MPPED2: variants seen among roughly 807,000 people sequenced by gnomAD.
The protein encoded by MPPED2 is metallophosphoesterase domain containing 2.
MPPED2 carries 5 observed loss-of-function variants against 33.0 expected under a neutral mutation model. That is an observed-to-expected ratio of 0.15 (90% CI 0.08 to 0.32). The LOEUF (loss-of-function observed/expected upper bound fraction) is 0.32. Among genes scored for constraint, MPPED2 ranks in the 10% least tolerant of loss-of-function variants. The pLI is 1.00. For missense variants in MPPED2, 275 were observed against 372.1 expected (o/e 0.74, Z 2.15); for synonymous variants, 136 against 141.9 (o/e 0.96, Z 0.29).
intron 4 of MPPED2, among the ~76,000 whole-genome samples, chr11:30,431,861 C>G (rs1331790964): frequency 6.6e-6 from 1 of 152,192 alleles, no homozygotes; most frequent in Non-Finnish European, 1.5e-5. Flanking sequence ...AAAAGACAGA[C>G]TGCATTTTCA....
intron 2 of MPPED2, among the ~76,000 whole-genome samples, chr11:30,564,736 T>G (rs559184729): frequency 2.0e-5 from 3 of 152,204 alleles, no homozygotes; most frequent in Non-Finnish European, 4.4e-5. Flanking sequence ...CTCGACTACA[T>G]GTTCTTAATT....
chr11:30,496,718 G>T (rs375431830), intron 3 of MPPED2, among the ~76,000 whole-genome samples: 2 of 131,944 alleles, frequency 1.5e-5, no homozygotes, highest in South Asian at 2.9e-4. Flanking sequence ...GGCGGGGGGT[G>T]GGGGGAGGTG....
At chr11:30,500,107 A>G (rs868675654) in intron 3 of MPPED2, among the ~76,000 whole-genome samples, 3 of 152,274 alleles carry the variant, frequency 2.0e-5, no homozygotes, top group Middle Eastern at 3.4e-3. Flanking sequence ...AAATTACTCA[A>G]TGCAATCTGG....
In MPPED2 at chr11:30,410,898, A is replaced by G; in HGVS notation, c.*570T>C. The G allele has an allele frequency of 1.0e-6, 1 of 985,760 alleles. No individual in the cohort carries two copies. The highest frequency in any genetic ancestry group is 1.2e-6 in the Non-Finnish European group (1 of 829,912). 61.1% of individuals were successfully genotyped at this position (985,760 alleles called of 1,614,324 possible). A position where few individuals can be genotyped will look rare whatever the true frequency, so the allele number is the denominator to read the frequency against. On this transcript the variant is annotated 3_prime_UTR_variant, in exon 7 of 7. Transcript: ENST00000358117. ...CTAGTTAAACCATCCTTTAAATGAC[A>G]GCCATTTTCTTCTCAATGCAGCTTT...
At chr11:30,450,780 C>T (rs187106589) in intron 4 of MPPED2, among the ~76,000 whole-genome samples, 2 of 152,272 alleles carry the variant, frequency 1.3e-5, no homozygotes, top group Admixed American at 6.5e-5. Flanking sequence ...CATTAAATGA[C>T]ACATTTTAAC....
At position 30,436,843 on chromosome 11, in the gene MPPED2, A is replaced by C. The variant is rs971076576; in HGVS notation, c.537-19210T>G. Among the ~76,000 whole-genome samples, 10 of 152,306 alleles carry C rather than the reference A, an allele frequency of 6.6e-5. 1 individual carries two copies. The South Asian group carries it at 8.3e-4, about 13-fold the overall frequency. ...GATTTCATATTCAATAAAGCAATAT[A>C]CTTTTAGACTTTGAAAGTGAGCACC... On this transcript the variant is annotated intron_variant, in intron 4 of 6. Transcript: ENST00000358117.
intron 4 of MPPED2, among the ~76,000 whole-genome samples, chr11:30,483,502 G>C (rs1208307798): frequency 6.6e-6 from 1 of 152,192 alleles, no homozygotes; most frequent in Non-Finnish European, 1.5e-5. Flanking sequence ...AAGAAGAAAA[G>C]TGGGAGAGAG....
intron 3 of MPPED2, among the ~76,000 whole-genome samples, chr11:30,514,080 A>G (rs1953381482): frequency 6.6e-6 from 1 of 152,186 alleles, no homozygotes; most frequent in African/African-American, 2.4e-5. Context: ...CCTTTCCTCA[A>G]TAGCACAGCC....
At chr11:30,567,351 C>T (rs962909670) in intron 2 of MPPED2, among the ~76,000 whole-genome samples, 1 of 152,206 alleles carries the variant, frequency 6.6e-6, no homozygotes, top group African/African-American at 2.4e-5. Flanking sequence ...TTGAGCTTAA[C>T]TCAATTGCAC....
chr11:30,428,327 G>A (rs116964382), intron 4 of MPPED2, among the ~76,000 whole-genome samples: 1,590 of 152,246 alleles, frequency 0.01, 27 homozygotes, highest in Middle Eastern at 0.01. Flanking sequence ...ACATTTATCA[G>A]TTTACCAAGA....
chr11:30,549,012 C>CA (rs1955575722), intron 2 of MPPED2, among the ~76,000 whole-genome samples: 1 of 152,116 alleles, frequency 6.6e-6, no homozygotes, highest in Non-Finnish European at 1.5e-5. Flanking sequence ...GTTCAAATAC[C>CA]CTTCAGGAAT....
rs1271629937 is a variant in MPPED2 at position 30,580,484 on chromosome 11, G to A, written c.-111C>T. 23 of 1,463,706 alleles carry A rather than the reference G, an allele frequency of 1.6e-5. No individual in the cohort carries two copies. Among genetic ancestry groups the A allele is most frequent in the East Asian group, 4.7e-5 (2 of 42,140 alleles). 90.7% of individuals were successfully genotyped at this position (1,463,706 alleles called of 1,614,324 possible). A position where few individuals can be genotyped will look rare whatever the true frequency, so the allele number is the denominator to read the frequency against. ...ATCCAAGGATCTACTCATCAATACC[G>A]CTGTGCATTTCTGAAAGAAAAAAAA... is the stretch of plus-strand genomic sequence containing the variant. On this transcript the variant is annotated 5_prime_UTR_variant, in exon 2 of 7. Coordinates refer to ENST00000358117, the MANE Select transcript of MPPED2 (RefSeq NM_001584.3).
At position 30,568,664 on chromosome 11, in the gene MPPED2, G is replaced by A. The variant is rs563054972; in HGVS notation, c.128+11582C>T. Among the ~76,000 whole-genome samples the A allele has an allele frequency of 5.3e-5, 8 of 152,272 alleles. No individual in the cohort carries two copies. The East Asian group carries it at 5.8e-4, about 11-fold the overall frequency. The stretch of plus-strand genomic sequence containing the variant: ...AATAATCTTTAAAAAGTGGCTGAAG[G>A]GAACAGGCCCTAGCATACAAAAAAC... On this transcript the variant is annotated intron_variant, in intron 2 of 6. Coordinates refer to ENST00000358117, the MANE Select transcript of MPPED2 (RefSeq NM_001584.3).
chr11:30,533,845 T>C (rs1323717356), intron 3 of MPPED2, among the ~76,000 whole-genome samples: 1 of 152,172 alleles, frequency 6.6e-6, no homozygotes, highest in Non-Finnish European at 1.5e-5. Flanking sequence ...ATCATTGTAT[T>C]TCCTTAGTTA....
intron 1 of MPPED2, among the ~76,000 whole-genome samples, chr11:30,585,164 A>C (rs1235679707): frequency 6.6e-6 from 1 of 152,154 alleles, no homozygotes; most frequent in Non-Finnish European, 1.5e-5. Context: ...TAACCTTGTT[A>C]TACGTAAATA....
chr11:30,504,551 C>T (rs908396492), intron 3 of MPPED2, among the ~76,000 whole-genome samples: 6 of 152,176 alleles, frequency 3.9e-5, no homozygotes, highest in Non-Finnish European at 7.3e-5. Flanking sequence ...ATGCTTAGCA[C>T]TTAGTTGGTA....
intron 4 of MPPED2, among the ~76,000 whole-genome samples, chr11:30,445,315 C>G (rs948121187): frequency 6.6e-6 from 1 of 152,092 alleles, no homozygotes; most frequent in Non-Finnish European, 1.5e-5. Flanking sequence ...TGAAGACCTT[C>G]GACTAATACA....
At chr11:30,565,018 A>T (rs774839779) in intron 2 of MPPED2, among the ~76,000 whole-genome samples, 2 of 152,154 alleles carry the variant, frequency 1.3e-5, no homozygotes, top group Non-Finnish European at 2.9e-5. Context: ...TAACTGAAAC[A>T]CACCAATAAA....
At chr11:30,490,807 C>T (rs1951942864) in intron 4 of MPPED2, among the ~76,000 whole-genome samples, 1 of 152,180 alleles carries the variant, frequency 6.6e-6, no homozygotes, top group Non-Finnish European at 1.5e-5. Flanking sequence ...AAGTTATCAA[C>T]ATGTAACAAA....
Sources: gnomAD v4.1 joint callset for allele counts (sites outside exome capture counted in the v4.1 genomes callset) on GRCh38, gnomAD v4.1.1 for gene constraint, MANE v1.5 for transcripts, NCBI Gene and HGNC (gene_info 2026-07-23, HGNC 2026-07-21) for gene names.